AHCTF1: variants seen among roughly 807,000 people sequenced by gnomAD.
AHCTF1 encodes protein ELYS.
In AHCTF1, 24 loss-of-function variants were observed where a neutral mutation model predicts 248.4. That is an observed-to-expected ratio of 0.10 (90% confidence interval 0.07 to 0.14). AHCTF1 has a LOEUF of 0.14. AHCTF1 is among the 10% of genes least tolerant of loss of function. The pLI, the probability that AHCTF1 is intolerant of heterozygous loss-of-function variation, is 1.00. For missense variants in AHCTF1, 2,206 were observed against 2,636.2 expected, an observed-to-expected ratio of 0.84 and a Z score of 3.57; for synonymous variants, 786 against 929.8, an observed-to-expected ratio of 0.85 and a Z score of 2.81.
chr1:246,859,855 G>C (rs1052001177), intron 29 of AHCTF1, among the ~76,000 whole-genome samples: 3 of 152,114 alleles, frequency 2.0e-5, no homozygotes, highest in Admixed American at 2.0e-4. Flanking sequence ...TACCCAGCCT[G>C]AACATTTATT....
chr1:246,925,604 C>T (rs1572478591), intron 1 of AHCTF1, among the ~76,000 whole-genome samples: 1 of 151,934 alleles, frequency 6.6e-6, no homozygotes, highest in Non-Finnish European at 1.5e-5. Flanking sequence ...TGGGCAAGAT[C>T]CTGTTTCTAA....
intron 1 of AHCTF1, among the ~76,000 whole-genome samples, chr1:246,920,258 T>C (rs540714202): frequency 3.3e-5 from 5 of 150,198 alleles, no homozygotes; most frequent in African/African-American, 1.2e-4. Flanking sequence ...GATATTGAAA[T>C]TACCAGAGAT....
At chr1:246,888,617 A>G (rs1170136524) in intron 17 of AHCTF1, 100 bp from the exon 18 acceptor site, 1 of 1,389,792 alleles carries the variant, frequency 7.2e-7, no homozygotes, top group Admixed American at 2.3e-5. Flanking sequence ...CAACTATCAA[A>G]GAGAGAAGAG....
rs765502906 is a variant in AHCTF1 at position 246,850,359 on chromosome 1, C to T, written c.5647G>A (p.Glu1883Lys). 2 of 1,611,762 alleles carry T rather than the reference C, an allele frequency of 1.2e-6. No individual in the cohort carries two copies. Among genetic ancestry groups the T allele is most frequent in the Admixed American group, 3.3e-5 (2 of 59,708 alleles). ...RRIKRSVENQ[E>K]SVEIINDLKV... ...AGATCATTTATAATTTCAACACTTT[C>T]CTGATTTTCTACAGATCTTTTAATT... Residue 1883 changes from glutamate to lysine, a missense_variant, in exon 33 of 36, where the codon GAA becomes AAA. Physicochemically the swap from Glu to Lys is moderately conservative, Grantham distance 56 (BLOSUM62 1). Transcript: ENST00000648844.
chr1:246,868,993 C>A (rs375884310), intron 24 of AHCTF1, among the ~76,000 whole-genome samples: 29 of 151,366 alleles, frequency 1.9e-4, no homozygotes, highest in Admixed American at 1.2e-3. Flanking sequence ...TACAGGCGCC[C>A]GCCACCATGC....
chr1:246,922,240 G>A (rs1347310322), intron 1 of AHCTF1, among the ~76,000 whole-genome samples: 2 of 152,080 alleles, frequency 1.3e-5, no homozygotes, highest in African/African-American at 4.8e-5. Flanking sequence ...TGTGCCCGTA[G>A]TCCCAGCTAC....
chr1:246,918,460 A>T, intron 1 of AHCTF1, 83 bp from the exon 2 acceptor site: 1 of 1,272,118 alleles, frequency 7.9e-7, no homozygotes, highest in Admixed American at 3.0e-5. Context: ...GAAAAACAGT[A>T]AAAGCCACCA....
intron 35 of AHCTF1, among the ~76,000 whole-genome samples, 162 bp from the exon 36 acceptor site, chr1:246,841,160 T>C (rs1383454677): frequency 1.3e-5 from 2 of 152,256 alleles, no homozygotes; most frequent in African/African-American, 2.4e-5. Flanking sequence ...TTAAGTCATA[T>C]AAGCTAATCA....
intron 3 of AHCTF1, among the ~76,000 whole-genome samples, chr1:246,915,446 CT>C (rs1666083197): frequency 1.3e-5 from 2 of 152,294 alleles, no homozygotes; most frequent in East Asian, 3.9e-4. Context: ...CCCCTCATCC[CT>C]CCCTCAGCCA....
At chr1:246,907,145 T>C (rs1261811153) in intron 5 of AHCTF1, among the ~76,000 whole-genome samples, 9 of 152,220 alleles carry the variant, frequency 5.9e-5, no homozygotes, top group Admixed American at 5.9e-4. Context: ...TGTTACTGTA[T>C]GGAATACTGC....
At chr1:246,902,699 TA>T (rs1558263410) in intron 7 of AHCTF1, 24 bp from the exon 8 acceptor site, 1 of 1,551,490 alleles carries the variant, frequency 6.4e-7, no homozygotes, top group Non-Finnish European at 8.7e-7. Flanking sequence ...TACACGCAAA[TA>T]TTAATCTGAT....
rs1205950570 is a variant in AHCTF1 at position 246,855,730 on chromosome 1, A to G, written c.4354T>C (p.Ser1452Pro). 8 of 1,606,368 alleles carry G rather than the reference A, an allele frequency of 5.0e-6. No homozygotes were observed. The highest frequency in any genetic ancestry group is 3.4e-5 in the Admixed American group (2 of 59,234). Residue 1452 changes from serine (S) to proline (P), a missense_variant and splice_region_variant, in exon 31 of 36, where the codon TCT (serine) becomes CCT (proline). Physicochemically the swap from Ser to Pro is moderately conservative, Grantham distance 74. Transcript: ENST00000648844. ...CTGAAGTCAAAATTATTATACATACATTTATTGTCATTTGCTCTAATTGCA... is the reference window on the plus strand; with the variant it reads ...CTGAAGTCAAAATTATTATACATACGTTTATTGTCATTTGCTCTAATTGCA... ...TPAIRANDNK[S>P]MADVLGDGGN...
chr1:246,885,076 T>C (rs12033829), intron 21 of AHCTF1, among the ~76,000 whole-genome samples: 36,752 of 152,114 alleles, frequency 0.24, 4,605 homozygotes, highest in East Asian at 0.31. Context: ...CCCTCCCTTT[T>C]ATTCAAGGTA....
rs1216624363 is a variant in AHCTF1 at position 246,849,638 on chromosome 1, G to C, written c.6368C>G (p.Ser2123Ter). 1 of 1,609,770 alleles carries C rather than the reference G, an allele frequency of 6.2e-7. No individual in the cohort carries two copies. The highest frequency in any genetic ancestry group is 8.5e-7 in the Non-Finnish European group (1 of 1,176,956). ...ACCTTTTGCTTTCCTTGGAACTTCT[G>C]ACGCTGGAGAAAATAAAGGCTCATT... Reference protein sequence around the residue: ...PNNEPLFSPASEVPRKAKAKK... With the variant: ...PNNEPLFSPA Residue 2123 changes from serine (S) to a stop codon, truncating the protein, a stop_gained, in exon 33 of 36, where the codon TCA (serine) becomes TGA (stop). Coordinates refer to ENST00000648844, the MANE Select transcript of AHCTF1 (RefSeq NM_001323342.2). LOFTEE classifies it high-confidence loss of function.
chr1:246,867,323 C>T lies in AHCTF1; in HGVS notation c.3268G>A (p.Val1090Met), dbSNP rs1398747588. The change falls in exon 26 of 36, where the codon GTG becomes ATG. Residue 1090 changes from valine (V) to methionine (M), a missense_variant. Val to Met is a conservative substitution (Grantham distance 21). Coordinates refer to ENST00000648844, the MANE Select transcript of AHCTF1 (RefSeq NM_001323342.2). ...AGCTCTGGAGCTGGGAGCGAATACA[C>T]TATAGGAGATGGTTCTTCTATTTTA... ...SSKIEEPSPI[V>M]YSLPAPELPE... The T allele has an allele frequency of 1.3e-6, 2 of 1,597,212 alleles. No homozygotes were observed. The highest frequency in any genetic ancestry group is 1.7e-6 in the Non-Finnish European group (2 of 1,173,136).
rs746763370 is a variant in AHCTF1, at chr1:246,860,975, A to T, written c.4056T>A (p.Thr1352=). ...TATCTCCATCCTTTTCAGTTTGTTC[A>T]GTTACATTAGTAGTTAGTGCAGTGG... is the stretch of plus-strand genomic sequence containing the variant. ...SSSTALTTNV[T]EQTEKDGDKD... is the part of the protein sequence containing the mutation. Residue 1352 remains threonine (T), a synonymous_variant, in exon 29 of 36, where the codon ACT becomes ACA. Transcript: ENST00000648844. 1.2e-6 allele frequency: 2 copies of T among 1,613,884 alleles called. No individual in the cohort carries two copies. The highest frequency in any genetic ancestry group is 2.2e-5 in the South Asian group (2 of 91,072).
At chr1:246,922,768 G>T (rs1206378750) in intron 1 of AHCTF1, among the ~76,000 whole-genome samples, 1 of 150,766 alleles carries the variant, frequency 6.6e-6, no homozygotes, top group Non-Finnish European at 1.5e-5. Context: ...GGATCACGAG[G>T]TCAGGAGATC....
chr1:246,870,389 C>T (rs1053504000), intron 24 of AHCTF1, among the ~76,000 whole-genome samples: 1 of 152,116 alleles, frequency 6.6e-6, no homozygotes, highest in Non-Finnish European at 1.5e-5. Flanking sequence ...TACCACTGTA[C>T]TAGAGCATCT....
At chr1:246,900,305 G>C (rs542652311) in intron 9 of AHCTF1, 32 bp downstream of exon 9, 1 of 1,581,516 alleles carries the variant, frequency 6.3e-7, no homozygotes, top group Admixed American at 2.0e-5. Flanking sequence ...CAAATACAAA[G>C]AGAAAGGAGA....
Sources: gnomAD v4.1 joint callset for allele counts (sites outside exome capture counted in the v4.1 genomes callset) on GRCh38, gnomAD v4.1.1 for gene constraint, MANE v1.5 for transcripts, NCBI Gene and HGNC (gene_info 2026-07-23, HGNC 2026-07-21) for gene names.